DST: variants seen among roughly 807,000 people sequenced by gnomAD.
DST encodes the protein dystonin, also known as bullous pemphigoid antigen.
A neutral mutation model predicts 875.2 loss-of-function variants in DST; 253 were observed. The observed-to-expected ratio is 0.29, with a 90% confidence interval of 0.26 to 0.32. The LOEUF (loss-of-function observed/expected upper bound fraction) is 0.32. Among genes scored for constraint, DST ranks in the 10% least tolerant of loss-of-function variants. DST has a pLI of 1.00. For missense variants in DST, 8,287 were observed against 9,111.6 expected (o/e 0.91, Z 3.68); for synonymous variants, 3,124 against 3,197.1 (o/e 0.98, Z 0.77).
chr6:56,880,338 T>G (rs1034588873), intron 3 of DST, among the ~76,000 whole-genome samples: 1 of 152,204 alleles, frequency 6.6e-6, no homozygotes, highest in East Asian at 1.9e-4. Flanking sequence ...GAATAAGAGA[T>G]AGAACTACAA....
chr6:56,793,239 T>C (rs1277311757), intron 4 of DST, among the ~76,000 whole-genome samples: 1 of 152,118 alleles, frequency 6.6e-6, no homozygotes, highest in Non-Finnish European at 1.5e-5. Context: ...TATCATAGAA[T>C]TGTTTCTTAG....
At chr6:56,650,297 T>C (rs1052859474) in intron 12 of DST, among the ~76,000 whole-genome samples, 15 of 122,646 alleles carry the variant, frequency 1.2e-4, no homozygotes, top group African/African-American at 4.8e-4. Flanking sequence ...TCTTCAGAAA[T>C]GCATAAGCAC....
intron 89 of DST, 200 bp downstream of exon 89, chr6:56,482,483 T>C (rs2095434332): frequency 1.8e-6 from 1 of 558,774 alleles, no homozygotes; most frequent in South Asian, 3.3e-5. Flanking sequence ...ATGTGAAGAT[T>C]AGAATGCCTC....
chr6:56,676,694 TAAAA>T (rs34164286), intron 9 of DST, among the ~76,000 whole-genome samples: 1 of 143,786 alleles, frequency 7.0e-6, no homozygotes. Context: ...TGATCAGCCT[TAAAA>T]AAAAAAAAAA....
chr6:56,640,252 T>G lies in DST; in HGVS notation c.2381A>C (p.Gln794Pro). Reference protein sequence around the residue: ...PNSLQTLKLMQIRKPLLKSSL... With the variant: ...PNSLQTLKLMPIRKPLLKSSL... ...AGACTTTAGAAGGGGTTTTCGGATC[T>G]GCATCAACTTCAAAGTTTGCAATGA... is the stretch of plus-strand genomic sequence containing the variant. The change falls in exon 18 of 104, where the codon CAG becomes CCG. Residue 794 changes from glutamine (Q) to proline (P), a missense_variant. Gln to Pro is a moderately conservative substitution (Grantham distance 76). This residue lies in a region of DST where 1,160 missense variants were observed against 1,424.3 expected (regional missense o/e 0.81). Transcript: ENST00000680361. 1 of 1,614,208 alleles carries G rather than the reference T, an allele frequency of 6.2e-7. No individual in the cohort carries two copies. Among genetic ancestry groups the G allele is most frequent in the East Asian group, 2.2e-5 (1 of 44,890 alleles).
Position 56,517,597 on chromosome 6 carries a change from C to G in DST, c.18153G>C (p.Glu6051Asp), listed in dbSNP as rs549420829. ...TTTCTGTTTCAGTAATCCAGGATAA[C>G]TCAGCATCAGCTGCTTGGTCAAACT... ...SQQFDQAADA[E>D]LSWITETEKK... The change falls in exon 70 of 104, where the codon GAG becomes GAC. Residue 6051 changes from glutamate to aspartate, a missense_variant. This residue lies in a region of DST where 777 missense variants were observed against 764.8 expected (regional missense o/e 1.02). Coordinates refer to ENST00000680361, the MANE Select transcript of DST (RefSeq NM_001374736.1). 1 of 1,613,070 alleles carries G rather than the reference C, an allele frequency of 6.2e-7. No homozygotes were observed. Among genetic ancestry groups the G allele is most frequent in the South Asian group, 1.1e-5 (1 of 91,000 alleles).
intron 55 of DST, among the ~76,000 whole-genome samples, chr6:56,566,380 G>C (rs1473656707): frequency 6.6e-6 from 1 of 152,232 alleles, no homozygotes. Flanking sequence ...CATAGGAAAA[G>C]TGTAGTATCT....
At chr6:56,527,443 A>G (rs2096823539) in intron 68 of DST, 50 bp downstream of exon 68, 3 of 1,582,128 alleles carry the variant, frequency 1.9e-6, no homozygotes, top group South Asian at 1.2e-5. Flanking sequence ...TGTGAATAAG[A>G]CTGCCTAAAA....
At chr6:56,773,116 GAC>G (rs1484922934) in intron 4 of DST, among the ~76,000 whole-genome samples, 1 of 151,950 alleles carries the variant, frequency 6.6e-6, no homozygotes, top group Non-Finnish European at 1.5e-5. Context: ...ACAACACCTT[GAC>G]TGCCACCTGA....
rs554820807 is a variant in DST, at chr6:56,918,286, C to T, written c.217-17665G>A. ...GGATAACAGGCACGTGCCACCACTT[C>T]CAGCTAATTTTTGTATTTTTAGTAG... On this transcript the variant is annotated intron_variant, in intron 2 of 103. Coordinates refer to ENST00000680361, the MANE Select transcript of DST (RefSeq NM_001374736.1). 1.5e-3 allele frequency among the ~76,000 whole-genome samples: 223 copies of T among 152,084 alleles called. 1 individual carries two copies. The highest frequency in any genetic ancestry group is 4.5e-3 in the African/African-American group (185 of 41,484).
At chr6:56,652,275 G>C (rs535975627) in intron 10 of DST, among the ~76,000 whole-genome samples, 1 of 152,292 alleles carries the variant, frequency 6.6e-6, no homozygotes, top group South Asian at 2.1e-4. Context: ...ATGGACATTG[G>C]AGACTTCACT....
intron 5 of DST, among the ~76,000 whole-genome samples, chr6:56,712,492 A>G (rs1364183331): frequency 2.6e-5 from 4 of 152,210 alleles, no homozygotes; most frequent in African/African-American, 9.6e-5. Flanking sequence ...AAATAAGTGA[A>G]AATGTGTGGT....
intron 13 of DST, 31 bp from the exon 14 acceptor site, chr6:56,646,213 C>A: frequency 2.4e-6 from 3 of 1,255,024 alleles, no homozygotes. Flanking sequence ...AATTAAGGAC[C>A]AAACTTAAAA....
rs945242853 is a variant in DST, at chr6:56,487,140, T to C, written c.21011A>G (p.Asp7004Gly). The C allele has an allele frequency of 6.2e-6, 10 of 1,613,990 alleles. No individual in the cohort carries two copies. The highest frequency in any genetic ancestry group is 8.5e-6 in the Non-Finnish European group (10 of 1,179,856). ...KLDDMLSELR[D>G]KWDTICGKSV... ...TTTTCCACATATGGTATCCCATTTG[T>C]CTCTGAGTTCACTCAGCATGTCATC... Residue 7004 changes from aspartate to glycine, a missense_variant, in exon 87 of 104, where the codon GAC (aspartate) becomes GGC (glycine). Physicochemically the swap from Asp to Gly is moderately conservative, Grantham distance 94 (BLOSUM62 -1). Around this residue, in one of 10 missense-constraint regions of DST, gnomAD observed 1,292 missense variants for 1,552.7 expected, o/e 0.83. Coordinates refer to ENST00000680361, the MANE Select transcript of DST (RefSeq NM_001374736.1).
intron 36 of DST, chr6:56,618,404 G>T: frequency 6.2e-7 from 1 of 1,614,156 alleles, no homozygotes; most frequent in South Asian, 1.1e-5. Context: ...TGGTTTGAAG[G>T]TACAGTCTTT....
At chr6:56,731,401 T>A (rs995772277) in intron 5 of DST, among the ~76,000 whole-genome samples, 2 of 152,228 alleles carry the variant, frequency 1.3e-5, no homozygotes, top group Non-Finnish European at 2.9e-5. Flanking sequence ...TTCATTTCAT[T>A]TTTGGATTGT....
At chr6:56,730,356 T>G (rs990372880) in intron 5 of DST, among the ~76,000 whole-genome samples, 1 of 152,190 alleles carries the variant, frequency 6.6e-6, no homozygotes, top group African/African-American at 2.4e-5. Context: ...TCCTTCCTTC[T>G]TTCTCTGTCC....
intron 4 of DST, among the ~76,000 whole-genome samples, chr6:56,822,979 G>A (rs1328806337): frequency 1.3e-5 from 2 of 151,738 alleles, no homozygotes; most frequent in Admixed American, 6.6e-5. Context: ...ACAGGTGCCC[G>A]CTACCAAGCC....
Position 56,758,008 on chromosome 6 carries a change from G to C in DST, c.626-22719C>G, listed in dbSNP as rs1394488762. On this transcript the variant is annotated intron_variant, in intron 4 of 103. Coordinates refer to ENST00000680361, the MANE Select transcript of DST (RefSeq NM_001374736.1). ...ACAAACCTACTACTAAGAGCTCTTT[G>C]AAATGGAAAATTTCCCAGGAAAGAA... is the stretch of plus-strand genomic sequence containing the variant. 2.0e-5 allele frequency among the ~76,000 whole-genome samples: 3 copies of C among 152,188 alleles called. 1 individual carries two copies. Among genetic ancestry groups the C allele is most frequent in the Admixed American group, 2.0e-4 (3 of 15,262 alleles).
Sources: gnomAD v4.1 joint callset for allele counts (sites outside exome capture counted in the v4.1 genomes callset) on GRCh38, gnomAD v4.1.1 for gene constraint, gnomAD v4.1.1 regional missense constraint, MANE v1.5 for transcripts, NCBI Gene and HGNC (gene_info 2026-07-23, HGNC 2026-07-21) for gene names.